The following DEPDC5 variants were observed in gnomAD, a reference collection of about 807,000 sequenced individuals.
DEPDC5 encodes DEP domain containing 5, GATOR1 subcomplex subunit, also known as GATOR1 complex protein DEPDC5.
In DEPDC5, 73 loss-of-function variants were observed where a neutral mutation model predicts 217.3. The ratio of observed to expected loss-of-function variants is 0.34; its 90% CI spans 0.28 to 0.41. The LOEUF is 0.41. DEPDC5 is among the 10% of genes least tolerant of loss of function. DEPDC5 has a pLI of 1.00. For missense variants in DEPDC5, 1,675 were observed against 2,070.1 expected, an observed-to-expected ratio of 0.81 and a Z score of 3.70; for synonymous variants, 733 against 756.7, an observed-to-expected ratio of 0.97 and a Z score of 0.51.
At chr22:31,864,506 A>ATATATATATATATATATATATATATATT (rs1569144417) in intron 33 of DEPDC5, among the ~76,000 whole-genome samples, 5 of 135,460 alleles carry the variant, frequency 3.7e-5, no homozygotes, top group African/African-American at 1.5e-4. Flanking sequence ...ATTAAAATAT[A>ATATATATATATATATATATATATATATT]TATATATATA....
chr22:31,776,351 A>G (rs879297452), intron 7 of DEPDC5, among the ~76,000 whole-genome samples: 6 of 151,998 alleles, frequency 3.9e-5, no homozygotes, highest in Admixed American at 2.0e-4. Context: ...GGCTCAAGCA[A>G]TCTGCCAACC....
At chr22:31,840,191 G>A (rs887205912) in intron 27 of DEPDC5, among the ~76,000 whole-genome samples, 1 of 152,124 alleles carries the variant, frequency 6.6e-6, no homozygotes, top group African/African-American at 2.4e-5. Context: ...ATCTAATCTG[G>A]TGGGTCATGG....
At chr22:31,866,586 A>G (rs1473203869) in intron 33 of DEPDC5, among the ~76,000 whole-genome samples, 4 of 152,166 alleles carry the variant, frequency 2.6e-5, no homozygotes, top group Non-Finnish European at 5.9e-5. Context: ...GGGTTTCACC[A>G]TGTTGGCCAG....
intron 33 of DEPDC5, among the ~76,000 whole-genome samples, chr22:31,865,105 C>T (rs1281695516): frequency 8.5e-5 from 13 of 152,178 alleles, no homozygotes; most frequent in Admixed American, 6.5e-4. Context: ...GGATTACAGG[C>T]GTAAGCCACC....
intron 7 of DEPDC5, among the ~76,000 whole-genome samples, chr22:31,772,826 G>C (rs2148241005): frequency 6.6e-6 from 1 of 151,524 alleles, no homozygotes; most frequent in East Asian, 1.9e-4. Context: ...CTGTTGCCTA[G>C]GCTGGAGTGT....
chr22:31,791,244 A>C (rs1481745851), intron 10 of DEPDC5, among the ~76,000 whole-genome samples: 1 of 152,060 alleles, frequency 6.6e-6, no homozygotes, highest in East Asian at 1.9e-4. Flanking sequence ...TCAGGACTCC[A>C]TCTAGGGCTT....
At chr22:31,874,107 C>G in intron 35 of DEPDC5, 166 bp from the exon 36 acceptor site, 1 of 1,134,286 alleles carries the variant, frequency 8.8e-7, no homozygotes, top group Non-Finnish European at 1.2e-6. Context: ...GTAACAGTTT[C>G]TTTTGTCCTC....
In DEPDC5 at chr22:31,792,827, G is replaced by T; in HGVS notation, c.767+10G>T. The T allele has an allele frequency of 6.6e-7, 1 of 1,513,440 alleles. No individual in the cohort carries two copies. The highest frequency in any genetic ancestry group is 8.8e-7 in the Non-Finnish European group (1 of 1,141,454). 93.8% of individuals were successfully genotyped at this position (1,513,440 alleles called of 1,614,324 possible). On this transcript the variant is annotated intron_variant, in intron 12 of 42. Transcript: ENST00000651528. ...ATGAAGACTTTTACAAGTATGTTTG[G>T]GTGCTTTGCTATACTTTTTATTTAT...
chr22:31,778,062 G>A (rs2084056969), intron 7 of DEPDC5, 37 bp from the exon 8 acceptor site: 1 of 1,611,558 alleles, frequency 6.2e-7, no homozygotes, highest in Non-Finnish European at 8.5e-7. Context: ...TTGGTTTCAT[G>A]TAAGACTTGT....
intron 20 of DEPDC5, among the ~76,000 whole-genome samples, chr22:31,811,613 G>A (rs1012835344): frequency 2.0e-5 from 3 of 150,004 alleles, no homozygotes; most frequent in East Asian, 2.0e-4. Context: ...GCAGTGTCAC[G>A]TTGACAGCTC....
Position 31,806,194 on chromosome 22 carries a change from AG to A in DEPDC5, c.1287+5del. The A allele has an allele frequency of 6.2e-7, 1 of 1,613,446 alleles. No homozygotes were observed. The highest frequency in any genetic ancestry group is 8.5e-7 in the Non-Finnish European group (1 of 1,179,544). ...GAATAAAACTGGCAGGAAAGAAGGT[AG>A]GTTTTTATTTTTGTTAAGACGGGGT... On this transcript the variant is annotated splice_donor_region_variant and intron_variant, in intron 18 of 42. Transcript: ENST00000651528.
In DEPDC5 at chr22:31,901,792, A is replaced by G. The variant is rs2093653068; in HGVS notation, c.4426A>G (p.Ile1476Val). 2 of 1,613,596 alleles carry G rather than the reference A, an allele frequency of 1.2e-6. No homozygotes were observed. The highest frequency in any genetic ancestry group is 2.2e-5 in the East Asian group (1 of 44,864). Residue 1476 changes from isoleucine to valine, a missense_variant, in exon 41 of 43, where the codon ATT (isoleucine) becomes GTT (valine). Coordinates refer to ENST00000651528, the MANE Select transcript of DEPDC5 (RefSeq NM_001242896.3). Reference sequence around the variant, plus strand: ...TCGAATGCACCTCTTCCAGGAAGCCATTGCACACAGGTTTGTCCCTTAGCA... The same window carrying G: ...TCGAATGCACCTCTTCCAGGAAGCCGTTGCACACAGGTTTGTCCCTTAGCA... ...WDRMHLFQEA[I>V]AHRFGFVQDK...
chr22:31,833,315 G>A (rs904265829), intron 24 of DEPDC5, among the ~76,000 whole-genome samples: 15 of 152,102 alleles, frequency 9.9e-5, no homozygotes, highest in Non-Finnish European at 1.8e-4. Flanking sequence ...AGAATCTTCC[G>A]GTTTTTCCTT....
chr22:31,831,293 T>C (rs527273075), intron 24 of DEPDC5: 1 of 152,370 alleles, frequency 6.6e-6, no homozygotes, highest in South Asian at 2.1e-4. Context: ...CTACCTCATA[T>C]CTACTGGTGT....
chr22:31,889,541 CTTTTTTTTTTT>C (rs136874), intron 38 of DEPDC5, among the ~76,000 whole-genome samples: 3 of 99,622 alleles, frequency 3.0e-5, no homozygotes, highest in Non-Finnish European at 6.1e-5. Flanking sequence ...GGCAAAACTT[CTTTTTTTTTTT>C]TTTTTTTTTT....
intron 31 of DEPDC5, among the ~76,000 whole-genome samples, chr22:31,855,408 G>T (rs1222262317): frequency 3.4e-5 from 5 of 147,134 alleles, no homozygotes; most frequent in Non-Finnish European, 7.4e-5. Flanking sequence ...ACGGAGTCTC[G>T]CTCTGTCGCC....
At chr22:31,834,728 G>T (rs144297979) in intron 25 of DEPDC5, among the ~76,000 whole-genome samples, 1,930 of 152,098 alleles carry the variant, frequency 0.013, 38 homozygotes, top group African/African-American at 0.045. Context: ...TGTTGGTTAG[G>T]CTGGTCTCAA....
At chr22:31,861,039 TGA>T (rs987167750) in intron 32 of DEPDC5, among the ~76,000 whole-genome samples, 13 of 152,084 alleles carry the variant, frequency 8.5e-5, no homozygotes, top group African/African-American at 3.1e-4. Flanking sequence ...TGATGAGACC[TGA>T]GAGAGCTTGG....
chr22:31,844,315 G>C (rs2091582929), intron 29 of DEPDC5, among the ~76,000 whole-genome samples: 1 of 152,140 alleles, frequency 6.6e-6, no homozygotes, highest in African/African-American at 2.4e-5. Context: ...AAGTGCTTGA[G>C]CCCAGGAGGT....
Sources: gnomAD v4.1 joint callset for allele counts (sites outside exome capture counted in the v4.1 genomes callset) on GRCh38, gnomAD v4.1.1 for gene constraint, MANE v1.5 for transcripts, NCBI Gene and HGNC (gene_info 2026-07-23, HGNC 2026-07-21) for gene names.